The following METTL15 variants were observed in gnomAD, a reference collection of about 807,000 sequenced individuals.
METTL15 encodes the protein methyltransferase 15, mitochondrial 12S rRNA N4-cytidine.
A neutral mutation model predicts 38.3 loss-of-function variants in METTL15; 34 were observed. The ratio of observed to expected loss-of-function variants is 0.89; its 90% CI spans 0.68 to 1.18. The LOEUF (loss-of-function observed/expected upper bound fraction) is 1.18, where lower values mean the gene tolerates loss of function less well. Ranked by LOEUF, METTL15 falls within the 50% of genes most tolerant of loss-of-function variation. The probability of loss-of-function intolerance (pLI) is 0.00; values close to 1 mark genes in which losing one functional copy is unlikely to be tolerated. For missense variants in METTL15, 438 were observed against 498.4 expected, an observed-to-expected ratio of 0.88 and a Z score of 1.15; for synonymous variants, 162 against 170.9, an observed-to-expected ratio of 0.95 and a Z score of 0.41.
At chr11:28,340,843 A>T (rs769215279) in intron 3 of METTL15, among the ~76,000 whole-genome samples, 2 of 152,172 alleles carry the variant, frequency 1.3e-5, no homozygotes, top group Non-Finnish European at 2.9e-5. Context: ...AGGATTATAA[A>T]TCATTCTACT....
chr11:28,506,092 AC>A (rs1383538953), intron 6 of METTL15, among the ~76,000 whole-genome samples: 2 of 152,024 alleles, frequency 1.3e-5, no homozygotes, highest in African/African-American at 4.8e-5. Flanking sequence ...TTCCCCCACT[AC>A]CTTTTGGAGT....
intron 4 of METTL15, among the ~76,000 whole-genome samples, chr11:28,253,116 G>A (rs556776141): frequency 6.6e-6 from 1 of 152,162 alleles, no homozygotes; most frequent in Non-Finnish European, 1.5e-5. Context: ...TGATACCTTT[G>A]TAATTTATAT....
At chr11:28,166,061 A>G (rs1590849424) in intron 3 of METTL15, among the ~76,000 whole-genome samples, 1 of 152,164 alleles carries the variant, frequency 6.6e-6, no homozygotes, top group Non-Finnish European at 1.5e-5. Flanking sequence ...ATATTTTGAA[A>G]TCTGGGAATG....
At chr11:28,403,251 A>T (rs548520063) in intron 5 of METTL15, among the ~76,000 whole-genome samples, 2 of 152,132 alleles carry the variant, frequency 1.3e-5, no homozygotes, top group East Asian at 3.9e-4. Context: ...GCCAAATAGC[A>T]TGATAAGTGC....
At chr11:28,508,227 G>A (rs1047646333) in intron 6 of METTL15, among the ~76,000 whole-genome samples, 3 of 151,286 alleles carry the variant, frequency 2.0e-5, no homozygotes, top group African/African-American at 4.9e-5. Context: ...ATGTTTTTTG[G>A]TCAGTTTTTG....
chr11:28,411,436 A>G (rs887392281), intron 5 of METTL15, among the ~76,000 whole-genome samples: 3 of 152,060 alleles, frequency 2.0e-5, no homozygotes, highest in African/African-American at 7.2e-5. Context: ...AAATTCAAAC[A>G]TATGTGGACA....
intron 6 of METTL15, among the ~76,000 whole-genome samples, chr11:28,525,351 T>C (rs552569075): frequency 4.7e-4 from 72 of 152,292 alleles, no homozygotes; most frequent in Admixed American, 1.3e-3. Context: ...TTACAATCCC[T>C]GAGCTAGACA....
At chr11:28,506,807 C>T (rs1397220020) in intron 6 of METTL15, among the ~76,000 whole-genome samples, 1 of 145,072 alleles carries the variant, frequency 6.9e-6, no homozygotes, top group Non-Finnish European at 1.5e-5. Context: ...TGCAGTGGCA[C>T]AATCTTGGCT....
chr11:28,276,310 C>T (rs528263114), intron 4 of METTL15, among the ~76,000 whole-genome samples: 2 of 152,062 alleles, frequency 1.3e-5, no homozygotes, highest in South Asian at 4.2e-4. Context: ...AATGATCTAA[C>T]TGAAAAAGAA....
chr11:28,245,474 AT>A (rs375939316), intron 4 of METTL15, among the ~76,000 whole-genome samples: 2 of 151,994 alleles, frequency 1.3e-5, no homozygotes, highest in African/African-American at 4.8e-5. Flanking sequence ...ACAAAGCTTG[AT>A]TTTTTTAGTG....
intron 3 of METTL15, among the ~76,000 whole-genome samples, chr11:28,206,019 A>T (rs1852325920): frequency 7.1e-6 from 1 of 139,980 alleles, no homozygotes; most frequent in South Asian, 2.3e-4. Flanking sequence ...CCTTTGTCAG[A>T]TGAGTAGGTT....
chr11:28,268,831 C>G (rs1401790600), intron 4 of METTL15, among the ~76,000 whole-genome samples: 1 of 152,110 alleles, frequency 6.6e-6, no homozygotes, highest in Admixed American at 6.5e-5. Flanking sequence ...GTAAGAATCA[C>G]TTTGTCTTGG....
intron 3 of METTL15, among the ~76,000 whole-genome samples, chr11:28,143,959 C>T (rs1043943993): frequency 5.9e-5 from 9 of 152,126 alleles, no homozygotes; most frequent in Non-Finnish European, 1.2e-4. Flanking sequence ...CCTTTTTTGA[C>T]ATTTCATTTC....
intron 3 of METTL15, among the ~76,000 whole-genome samples, chr11:28,175,266 AG>A (rs1332556300): frequency 7.3e-6 from 1 of 136,988 alleles, no homozygotes; most frequent in Non-Finnish European, 1.5e-5. Flanking sequence ...GTCCCTACAA[AG>A]GACATGAACT....
intron 6 of METTL15, among the ~76,000 whole-genome samples, chr11:28,457,732 AAGG>A (rs543648949): frequency 2.0e-5 from 3 of 152,202 alleles, no homozygotes; most frequent in African/African-American, 7.2e-5. Context: ...TAGGTGCTGT[AAGG>A]AGGAGATCAC....
Position 28,330,877 on chromosome 11 carries a change from C to G in METTL15, c.*36C>G, listed in dbSNP as rs965783796. 12 of 1,462,772 alleles carry G rather than the reference C, an allele frequency of 8.2e-6. No individual in the cohort carries two copies. Among genetic ancestry groups the G allele is most frequent in the Non-Finnish European group, 7.3e-6 (8 of 1,092,698 alleles). The allele number at this position is 1,462,772 out of a possible 1,614,324, so 90.6% of individuals were successfully genotyped here. ...TCTTATTCTTCAAATTTTTTTCTCA[C>G]AATTTCTCTAATCTTTACTCATGTT... On this transcript the variant is annotated 3_prime_UTR_variant, in exon 7 of 7. Coordinates refer to ENST00000407364, the MANE Select transcript of METTL15 (RefSeq NM_001113528.2).
intron 6 of METTL15, among the ~76,000 whole-genome samples, chr11:28,447,958 C>T (rs1362102549): frequency 6.6e-6 from 1 of 152,120 alleles, no homozygotes; most frequent in Non-Finnish European, 1.5e-5. Context: ...TATAGTGAAT[C>T]TTGGAATTTG....
Position 28,291,326 on chromosome 11 carries a change from G to A in METTL15, c.599+929G>A, listed in dbSNP as rs190155766. 9.1e-4 allele frequency among the ~76,000 whole-genome samples: 138 copies of A among 152,142 alleles called. 1 individual carries two copies. Among genetic ancestry groups the A allele is most frequent in the Non-Finnish European group, 1.6e-3 (111 of 68,010 alleles). Reference sequence around the variant, plus strand: ...CTCCCAAAATGCTGGGATTATAGGCGTGAGCCACCATTACCGGCCAACAAT... The same window carrying A: ...CTCCCAAAATGCTGGGATTATAGGCATGAGCCACCATTACCGGCCAACAAT... On this transcript the variant is annotated intron_variant, in intron 5 of 6. Coordinates refer to ENST00000407364, the MANE Select transcript of METTL15 (RefSeq NM_001113528.2).
intron 5 of METTL15, among the ~76,000 whole-genome samples, chr11:28,373,307 G>A (rs1850266800): frequency 6.6e-6 from 1 of 151,914 alleles, no homozygotes; most frequent in Admixed American, 6.6e-5. Flanking sequence ...TTTAATGATT[G>A]CCATTCTAAC....
Sources: allele counts gnomAD v4.1 joint callset (sites outside exome capture counted in the v4.1 genomes callset), GRCh38; gene constraint gnomAD v4.1.1; transcripts MANE v1.5; gene names NCBI Gene and HGNC (gene_info 2026-07-23, HGNC 2026-07-21).